CYB5R4: variants seen among roughly 807,000 people sequenced by gnomAD.
The protein encoded by CYB5R4 is cytochrome b5 reductase 4, also known as N-terminal cytochrome b5 and cytochrome b5 oxidoreductase domain-containing protein.
In CYB5R4, 55 loss-of-function variants were observed where a neutral mutation model predicts 70.2. The observed-to-expected ratio is 0.78, with a 90% confidence interval of 0.63 to 0.98. The LOEUF (loss-of-function observed/expected upper bound fraction) is 0.98. Among genes scored for constraint, CYB5R4 ranks in the 50% least tolerant of loss-of-function variants. The pLI is 0.00. For missense variants in CYB5R4, 562 were observed against 612.6 expected, an observed-to-expected ratio of 0.92 and a Z score of 0.87; for synonymous variants, 197 against 199.5, an observed-to-expected ratio of 0.99 and a Z score of 0.11.
chr6:83,861,227 G>A (rs2099455882), intron 1 of CYB5R4, among the ~76,000 whole-genome samples: 1 of 152,172 alleles, frequency 6.6e-6, no homozygotes, highest in East Asian at 1.9e-4. Context: ...AGGGGGCGAT[G>A]GCAAAGGTGA....
At chr6:83,882,503 G>A (rs972806443) in intron 2 of CYB5R4, among the ~76,000 whole-genome samples, 3 of 152,088 alleles carry the variant, frequency 2.0e-5, no homozygotes, top group Non-Finnish European at 4.4e-5. Context: ...AATAATCTTT[G>A]CAGGAATATT....
At position 83,959,969 on chromosome 6, in the gene CYB5R4, A is replaced by G; in HGVS notation, c.*91A>G. On this transcript the variant is annotated 3_prime_UTR_variant, in exon 16 of 16. Coordinates refer to ENST00000369681, the MANE Select transcript of CYB5R4 (RefSeq NM_016230.4). ...AAGAGAACATTTTTGTACATAACAAAAGGTTAACTAGAATCCAGCCTTCAG... is the reference window on the plus strand; with the variant it reads ...AAGAGAACATTTTTGTACATAACAAGAGGTTAACTAGAATCCAGCCTTCAG... 1.1e-6 allele frequency: 1 copy of G among 946,718 alleles called. No individual in the cohort carries two copies. The highest frequency in any genetic ancestry group is 1.5e-6 in the Non-Finnish European group (1 of 654,704). 58.6% of individuals were successfully genotyped at this position (946,718 alleles called of 1,614,324 possible).
Position 83,938,304 on chromosome 6 carries a change from T to G in CYB5R4, c.1109-1752T>G, listed in dbSNP as rs114296757. ...GGAGATTTTTGCGAACATAGCAGGGTGGAGAGTTGTCCTAGAGCATGGAAA... is the reference window on the plus strand; with the variant it reads ...GGAGATTTTTGCGAACATAGCAGGGGGGAGAGTTGTCCTAGAGCATGGAAA... On this transcript the variant is annotated intron_variant, in intron 12 of 15. Transcript: ENST00000369681. 2.8e-3 allele frequency among the ~76,000 whole-genome samples: 432 copies of G among 152,182 alleles called. 2 individuals are homozygous for G. The highest frequency in any genetic ancestry group is 0.01 in the African/African-American group (417 of 41,512).
intron 14 of CYB5R4, among the ~76,000 whole-genome samples, chr6:83,952,491 C>T (rs2099471699): frequency 1.3e-5 from 2 of 151,790 alleles, no homozygotes; most frequent in African/African-American, 2.4e-5. Context: ...TTTCTTGGAG[C>T]GGGAAAATAA....
chr6:83,898,112 C>T lies in CYB5R4; in HGVS notation c.330+4490C>T, dbSNP rs190325305. On this transcript the variant is annotated intron_variant, in intron 3 of 15. Coordinates refer to ENST00000369681, the MANE Select transcript of CYB5R4 (RefSeq NM_016230.4). ...TTTAAAGACTTAAAAACATTTAAGT[C>T]TTTAATCCATCTTGAATTAATTTTT... Among the ~76,000 whole-genome samples the T allele has an allele frequency of 5.6e-3, 860 of 152,266 alleles. 10 individuals are homozygous for T. Among genetic ancestry groups the T allele is most frequent in the African/African-American group, 0.016 (661 of 41,544 alleles).
intron 15 of CYB5R4, among the ~76,000 whole-genome samples, chr6:83,959,511 C>G (rs1302937879): frequency 2.0e-5 from 3 of 152,036 alleles, no homozygotes; most frequent in African/African-American, 7.2e-5. Context: ...TCTTACAGAT[C>G]AAAGGATGCC....
At chr6:83,938,421 T>C (rs1489493674) in intron 12 of CYB5R4, among the ~76,000 whole-genome samples, 1 of 152,236 alleles carries the variant, frequency 6.6e-6, no homozygotes, top group Non-Finnish European at 1.5e-5. Context: ...TAGAGAGTTG[T>C]ACACTAAATG....
intron 2 of CYB5R4, among the ~76,000 whole-genome samples, chr6:83,876,332 A>G (rs1180855631): frequency 6.6e-6 from 1 of 152,132 alleles, no homozygotes; most frequent in Non-Finnish European, 1.5e-5. Context: ...TTTTTAATGA[A>G]GTATTTTATT....
intron 2 of CYB5R4, among the ~76,000 whole-genome samples, chr6:83,865,780 A>C (rs2099456632): frequency 6.6e-6 from 1 of 152,148 alleles, no homozygotes; most frequent in South Asian, 2.1e-4. Flanking sequence ...TTAGAGTGTG[A>C]AATTTTCAGT....
intron 2 of CYB5R4, among the ~76,000 whole-genome samples, chr6:83,869,024 G>A (rs995988192): frequency 6.6e-6 from 1 of 152,080 alleles, no homozygotes; most frequent in African/African-American, 2.4e-5. Context: ...TTCTCCAAAT[G>A]GTATTTTAAT....
intron 4 of CYB5R4, among the ~76,000 whole-genome samples, chr6:83,909,608 T>C (rs2099464356): frequency 6.6e-6 from 1 of 152,194 alleles, no homozygotes; most frequent in Non-Finnish European, 1.5e-5. Context: ...TTGTAGGTAT[T>C]GTATCTTACT....
intron 2 of CYB5R4, among the ~76,000 whole-genome samples, chr6:83,877,206 C>T (rs989423248): frequency 6.6e-6 from 1 of 152,016 alleles, no homozygotes; most frequent in African/African-American, 2.4e-5. Context: ...CTTTATTTTG[C>T]CTTCATTTTA....
chr6:83,904,624 T>G (rs1250097912), intron 3 of CYB5R4, among the ~76,000 whole-genome samples: 4 of 152,192 alleles, frequency 2.6e-5, no homozygotes, highest in African/African-American at 9.6e-5. Flanking sequence ...GAGAATGGGA[T>G]TTTGAACTCC....
intron 4 of CYB5R4, among the ~76,000 whole-genome samples, chr6:83,910,540 A>AG (rs1246207964): frequency 6.6e-6 from 1 of 152,220 alleles, no homozygotes; most frequent in Admixed American, 6.5e-5. Context: ...GTCCCTGGTT[A>AG]GGGGGCAGAT....
At chr6:83,917,760 A>G (rs9444109) in intron 5 of CYB5R4, among the ~76,000 whole-genome samples, 23,324 of 152,050 alleles carry the variant, frequency 0.15, 3,449 homozygotes, top group African/African-American at 0.37. Flanking sequence ...GTCAGAATAC[A>G]TGTTACTCTT....
chr6:83,884,377 G>T (rs987050155), intron 2 of CYB5R4, among the ~76,000 whole-genome samples: 1 of 151,894 alleles, frequency 6.6e-6, no homozygotes, highest in Non-Finnish European at 1.5e-5. Flanking sequence ...TTTATTATTG[G>T]TTGGACTATA....
chr6:83,937,859 A>G (rs2099469164), intron 12 of CYB5R4, among the ~76,000 whole-genome samples: 1 of 152,214 alleles, frequency 6.6e-6, no homozygotes, highest in Non-Finnish European at 1.5e-5. Flanking sequence ...AACTATAATG[A>G]GATCTATTAA....
At chr6:83,864,051 A>G in intron 1 of CYB5R4, 124 bp from the exon 2 acceptor site, 1 of 870,700 alleles carries the variant, frequency 1.1e-6, no homozygotes, top group Non-Finnish European at 1.7e-6. Context: ...AGCATAAACA[A>G]TGTTGACAGC....
rs918664174 is a variant in CYB5R4, at chr6:83,962,681, T to C, written c.*2803T>C. ...TCAGATTGTCAGCTGAGCTGGGCTC[T>C]TAGCTAGAGGCTGTAAGGGGAAGTC... On this transcript the variant is annotated 3_prime_UTR_variant, in exon 16 of 16. Coordinates refer to ENST00000369681, the MANE Select transcript of CYB5R4 (RefSeq NM_016230.4). 2.0e-5 allele frequency: 3 copies of C among 152,216 alleles called. No individual in the cohort carries two copies. Among genetic ancestry groups the C allele is most frequent in the African/African-American group, 7.2e-5 (3 of 41,458 alleles). The allele number at this position is 152,216 out of a possible 1,614,324, so 9.4% of individuals were successfully genotyped here.
Sources: gnomAD v4.1 joint callset for allele counts (sites outside exome capture counted in the v4.1 genomes callset) on GRCh38, gnomAD v4.1.1 for gene constraint, MANE v1.5 for transcripts, NCBI Gene and HGNC (gene_info 2026-07-23, HGNC 2026-07-21) for gene names.